ERICH1: variants seen among roughly 807,000 people sequenced by gnomAD.
The protein encoded by ERICH1 is glutamate-rich protein 1.
A neutral mutation model predicts 39.6 loss-of-function variants in ERICH1; 56 were observed. The ratio of observed to expected loss-of-function variants is 1.41; its 90% CI spans 1.14 to 1.77. The LOEUF is 1.77. Ranked by LOEUF, ERICH1 falls within the 40% of genes most tolerant of loss-of-function variation. ERICH1 has a pLI of 0.00. For synonymous variants in ERICH1, 313 were observed against 223.6 expected (o/e 1.40, Z -3.57); for missense variants, 826 against 575.4 (o/e 1.44, Z -4.45).
intron 1 of ERICH1, among the ~76,000 whole-genome samples, chr8:723,922 G>C (rs1375503605): frequency 6.6e-6 from 1 of 152,018 alleles, no homozygotes; most frequent in East Asian, 1.9e-4. Context: ...CACTTCACAA[G>C]AAAGAAAAGC....
intron 3 of ERICH1, among the ~76,000 whole-genome samples, chr8:658,903 C>T (rs532730205): frequency 8.4e-4 from 128 of 152,374 alleles, no homozygotes; most frequent in African/African-American, 2.7e-3. Context: ...CTTTCCTTCA[C>T]TTGCTCTGCG....
chr8:723,870 A>G (rs1437516132), intron 1 of ERICH1, among the ~76,000 whole-genome samples: 1 of 152,142 alleles, frequency 6.6e-6, no homozygotes, highest in African/African-American at 2.4e-5. Context: ...GCCTTTGACT[A>G]TAATCTAGAA....
intron 2 of ERICH1, among the ~76,000 whole-genome samples, chr8:695,159 C>T (rs1282509013): frequency 1.3e-5 from 2 of 152,040 alleles, no homozygotes; most frequent in African/African-American, 2.4e-5. Context: ...CTGGGCTGCT[C>T]CTGGCAGCCG....
chr8:713,241 T>G (rs1215735441), intron 2 of ERICH1, among the ~76,000 whole-genome samples: 2 of 152,210 alleles, frequency 1.3e-5, no homozygotes, highest in African/African-American at 4.8e-5. Context: ...CATTCTGAAG[T>G]ATGGGGGGTT....
At chr8:650,997 C>A (rs1799875557) in intron 3 of ERICH1, among the ~76,000 whole-genome samples, 1 of 152,218 alleles carries the variant, frequency 6.6e-6, no homozygotes, top group Non-Finnish European at 1.5e-5. Flanking sequence ...CCAGGCAGAA[C>A]ACCCCTCGTT....
At chr8:653,150 C>G (rs962145319) in intron 3 of ERICH1, among the ~76,000 whole-genome samples, 13 of 152,310 alleles carry the variant, frequency 8.5e-5, no homozygotes, top group African/African-American at 3.1e-4. Flanking sequence ...GCTTGTACAC[C>G]CATGTACAGA....
chr8:621,547 T>C (rs1001257895), intron 3 of ERICH1, among the ~76,000 whole-genome samples: 43 of 151,754 alleles, frequency 2.8e-4, no homozygotes, highest in Non-Finnish European at 5.6e-4. Flanking sequence ...AGAAAGGAGA[T>C]AGAGAAGAGC....
chr8:668,482 T>A, intron 5 of ERICH1, 116 bp downstream of exon 5: 2 of 969,766 alleles, frequency 2.1e-6, no homozygotes, highest in African/African-American at 3.2e-5. Flanking sequence ...CCATGCCATA[T>A]GTGCAGTGTC....
intron 2 of ERICH1, among the ~76,000 whole-genome samples, chr8:708,681 G>GTTTTTTGTTTTTTGTTTTTTTTTTTT: frequency 1.5e-5 from 1 of 65,816 alleles, no homozygotes; most frequent in Non-Finnish European, 3.0e-5. Context: ...GGGATAATGA[G>GTTTTTTGTTTTTTGTTTTTTTTTTTT]TTTTTTTTTT....
At chr8:656,647 G>T in intron 3 of ERICH1, 2 of 691,550 alleles carry the variant, frequency 2.9e-6, no homozygotes, top group Non-Finnish European at 3.6e-6. Context: ...ACTCTGACAA[G>T]TGTGGAATTT....
chr8:666,078 T>C (rs755040723), intron 5 of ERICH1: 1 of 152,232 alleles, frequency 6.6e-6, no homozygotes, highest in Non-Finnish European at 1.5e-5. Context: ...AAGGAGTCCT[T>C]TCTTAGAGAA....
rs1249716964 is a variant in ERICH1 at position 695,503 on chromosome 8, TCC to T, written c.170-2893_170-2892del. On this transcript the variant is annotated intron_variant, in intron 2 of 5. Transcript: ENST00000262109. ...CCCGCCTCCCTCCCTCTCCTCTCCT[TCC>T]TCCCCATCAGCCTGCACCTGTGCTT... is the stretch of plus-strand genomic sequence containing the variant. 1.1e-4 allele frequency among the ~76,000 whole-genome samples: 15 copies of T among 136,250 alleles called. No individual in the cohort carries two copies. The South Asian group carries it at 3.6e-3, about 33-fold the overall frequency. The allele number at this position is 136,250 out of a possible 152,430, so 89.4% of individuals were successfully genotyped here.
chr8:679,840 CCTGTG>C (rs1219937423), intron 3 of ERICH1, among the ~76,000 whole-genome samples: 6 of 150,460 alleles, frequency 4.0e-5, no homozygotes, highest in Non-Finnish European at 8.8e-5. Flanking sequence ...AGCTGCCACC[CCTGTG>C]AACACAGAAG....
At chr8:686,294 T>C (rs1001689111) in intron 3 of ERICH1, among the ~76,000 whole-genome samples, 1 of 152,220 alleles carries the variant, frequency 6.6e-6, no homozygotes, top group Admixed American at 6.5e-5. Context: ...CTAAAAGCAG[T>C]GTAAGGATAC....
chr8:688,149 C>G (rs1807934249), intron 3 of ERICH1, among the ~76,000 whole-genome samples: 1 of 152,176 alleles, frequency 6.6e-6, no homozygotes. Context: ...CCAGGCGGGG[C>G]AAGTGCGCCC....
intron 3 of ERICH1, among the ~76,000 whole-genome samples, chr8:621,664 C>T (rs1797290257): frequency 6.6e-6 from 1 of 151,964 alleles, no homozygotes; most frequent in Non-Finnish European, 1.5e-5. Flanking sequence ...ATGGTTAGTT[C>T]TTTGAAAAGA....
chr8:616,193 C>A, intron 3 of ERICH1: 1 of 211,772 alleles, frequency 4.7e-6, no homozygotes. Flanking sequence ...AAAGAAATTC[C>A]GTAACCTGAA....
At chr8:623,740 C>G (rs916446743) in intron 3 of ERICH1, among the ~76,000 whole-genome samples, 4 of 152,176 alleles carry the variant, frequency 2.6e-5, no homozygotes, top group African/African-American at 9.7e-5. Context: ...TACACTAACA[C>G]AAAGACTAAC....
chr8:651,318 A>C (rs937258220), intron 3 of ERICH1, among the ~76,000 whole-genome samples: 1 of 152,190 alleles, frequency 6.6e-6, no homozygotes, highest in Non-Finnish European at 1.5e-5. Context: ...GTGGGAAAAG[A>C]GGGGAAGGGA....
Sources: allele counts gnomAD v4.1 joint callset (sites outside exome capture counted in the v4.1 genomes callset), GRCh38; gene constraint gnomAD v4.1.1; transcripts MANE v1.5; gene names NCBI Gene and HGNC (gene_info 2026-07-23, HGNC 2026-07-21).